The following VSTM4 variants were observed in gnomAD, a reference collection of about 807,000 sequenced individuals.
VSTM4 encodes the protein V-set and transmembrane domain containing 4.
Under a neutral mutation model 36.4 loss-of-function variants are expected in VSTM4, and 20 were observed. The observed-to-expected ratio is 0.55, with a 90% CI of 0.39 to 0.80. The LOEUF (loss-of-function observed/expected upper bound fraction) is 0.80. VSTM4 is among the 30% of genes least tolerant of loss of function. VSTM4 has a pLI of 0.00. For synonymous variants in VSTM4, 182 were observed against 173.9 expected, an observed-to-expected ratio of 1.05 and a Z score of -0.37; for missense variants, 392 against 404.5, an observed-to-expected ratio of 0.97 and a Z score of 0.26.
intron 7 of VSTM4, among the ~76,000 whole-genome samples, chr10:49,042,876 G>A (rs1843542686): frequency 6.6e-6 from 1 of 152,184 alleles, no homozygotes; most frequent in African/African-American, 2.4e-5. Flanking sequence ...TAGGCTATCA[G>A]GACAGCTCCT....
intron 7 of VSTM4, among the ~76,000 whole-genome samples, chr10:49,044,793 T>A (rs934234749): frequency 6.6e-6 from 1 of 152,338 alleles, no homozygotes; most frequent in Non-Finnish European, 1.5e-5. Flanking sequence ...ACTCTGAAAT[T>A]AGGAAGAAAT....
intron 3 of VSTM4, among the ~76,000 whole-genome samples, chr10:49,079,475 C>A (rs1312717814): frequency 6.6e-6 from 1 of 152,222 alleles, no homozygotes; most frequent in Non-Finnish European, 1.5e-5. Context: ...AAGCATTATT[C>A]TAACCATCTT....
chr10:49,042,673 C>A (rs1197000930), intron 7 of VSTM4, among the ~76,000 whole-genome samples: 1 of 152,214 alleles, frequency 6.6e-6, no homozygotes, highest in Non-Finnish European at 1.5e-5. Context: ...AATTACAGAA[C>A]CTACTCAACA....
rs1033623383 is a variant in VSTM4 at position 49,103,660 on chromosome 10, A to C, written c.457+3934T>G. The C allele has an allele frequency of 1.3e-6, 2 of 1,566,046 alleles. No individual in the cohort carries two copies. The highest frequency in any genetic ancestry group is 2.7e-5 in the African/African-American group (2 of 72,990). On this transcript the variant is annotated intron_variant, in intron 2 of 7. Transcript: ENST00000332853. ...CCTCCATGTGCTGGGCGAGGTGTTC[A>C]TGACAGGGAAATGAGGAGAGACCAG...
chr10:49,093,709 C>A (rs974644677), intron 2 of VSTM4, among the ~76,000 whole-genome samples: 1 of 150,572 alleles, frequency 6.6e-6, no homozygotes, highest in South Asian at 2.1e-4. Flanking sequence ...TTTCTAGAAT[C>A]CTTCTTGGCC....
chr10:49,057,885 G>C (rs1843809059), intron 5 of VSTM4, among the ~76,000 whole-genome samples: 1 of 152,194 alleles, frequency 6.6e-6, no homozygotes, highest in South Asian at 2.1e-4. Context: ...TAGAGTTCTG[G>C]TGTTCTTTGA....
intron 2 of VSTM4, chr10:49,103,728 A>C: frequency 1.2e-6 from 2 of 1,611,672 alleles, no homozygotes; most frequent in Non-Finnish European, 1.7e-6. Flanking sequence ...AAAGACAAGC[A>C]ATTTTATCTC....
intron 2 of VSTM4, among the ~76,000 whole-genome samples, chr10:49,086,707 T>C (rs1032767996): frequency 6.6e-6 from 1 of 152,116 alleles, no homozygotes; most frequent in Non-Finnish European, 1.5e-5. Flanking sequence ...ATGTAAAATA[T>C]CACGGAATGA....
Position 49,048,489 on chromosome 10 carries a change from A to T in VSTM4, c.764T>A (p.Val255Asp). ...GGCCAGCTCCTTACCTTTGGCAGGG[A>T]CTGCGGGAGGAATGTCAGGCTTCTC... ...QKEKPDIPPA[V>D]PAKAPIAPTF... The change falls in exon 6 of 8, where the codon GTC becomes GAC. Residue 255 changes from valine to aspartate, a missense_variant. Coordinates refer to ENST00000332853, the MANE Select transcript of VSTM4 (RefSeq NM_001031746.5). 6.9e-6 allele frequency: 11 copies of T among 1,591,214 alleles called. No individual in the cohort carries two copies. The highest frequency in any genetic ancestry group is 9.4e-6 in the Non-Finnish European group (11 of 1,172,620).
chr10:49,107,979 G>A lies in VSTM4; in HGVS notation c.72C>T (p.Leu24=). The stretch of plus-strand genomic sequence containing the variant: ...CGGGCCCCGGGGACACAGTGACATT[G>A]AGGGCCGCACAGACCTCTGCAGAGA... ...RAPAPEVCAA[L]NVTVSPGPVV... Residue 24 remains leucine, a synonymous_variant, in exon 2 of 8, where the codon CTC becomes CTT. Transcript: ENST00000332853. 1 of 1,586,084 alleles carries A rather than the reference G, an allele frequency of 6.3e-7. No homozygotes were observed. Among genetic ancestry groups the A allele is most frequent in the Non-Finnish European group, 8.6e-7 (1 of 1,165,264 alleles).
At position 49,101,802 on chromosome 10, in the gene VSTM4, T is replaced by C. The variant is rs375328337; in HGVS notation, c.457+5792A>G. Among the ~76,000 whole-genome samples the C allele has an allele frequency of 4.6e-5, 7 of 152,336 alleles. No homozygotes were observed. The East Asian group carries it at 9.6e-4, about 21-fold the overall frequency. The stretch of plus-strand genomic sequence containing the variant: ...TACAAGGATTTCACTGAAGCACTGT[T>C]TATGTTGGTGAAACACTGGAAGATT... On this transcript the variant is annotated intron_variant, in intron 2 of 7. Coordinates refer to ENST00000332853, the MANE Select transcript of VSTM4 (RefSeq NM_001031746.5).
Position 49,107,892 on chromosome 10 carries a change from C to A in VSTM4, c.159G>T (p.Arg53=), listed in dbSNP as rs771028311. ...AGCGCACGGCCAGCAAGCTGTCCTT[C>A]CGCCTTTTCTGGGAGACGTGGCAGA... is the stretch of plus-strand genomic sequence containing the variant. The part of the protein sequence containing the change: ...TLLCHVSQKR[R]KDSLLAVRWF... Residue 53 remains arginine, a synonymous_variant, in exon 2 of 8, where the codon CGG becomes CGT. Coordinates refer to ENST00000332853, the MANE Select transcript of VSTM4 (RefSeq NM_001031746.5). 2 of 1,614,212 alleles carry A rather than the reference C, an allele frequency of 1.2e-6. No individual in the cohort carries two copies. The highest frequency in any genetic ancestry group is 3.3e-5 in the Admixed American group (2 of 60,028).
chr10:49,092,565 G>C (rs988687909), intron 2 of VSTM4, among the ~76,000 whole-genome samples: 4 of 152,210 alleles, frequency 2.6e-5, no homozygotes, highest in African/African-American at 9.6e-5. Context: ...GAAGAGAAGA[G>C]TATGGTCCCT....
chr10:49,091,365 C>T (rs1027394057), intron 2 of VSTM4, among the ~76,000 whole-genome samples: 3 of 152,200 alleles, frequency 2.0e-5, no homozygotes, highest in Non-Finnish European at 2.9e-5. Flanking sequence ...AAATCCATCA[C>T]GTCACTGCCC....
intron 7 of VSTM4, among the ~76,000 whole-genome samples, chr10:49,023,499 A>G (rs1426356836): frequency 6.6e-6 from 1 of 152,234 alleles, no homozygotes. Flanking sequence ...GACTAGGTAA[A>G]CTAAAAAACT....
At chr10:49,079,243 A>T (rs1299414852) in intron 3 of VSTM4, among the ~76,000 whole-genome samples, 1 of 149,696 alleles carries the variant, frequency 6.7e-6, no homozygotes, top group Non-Finnish European at 1.5e-5. Context: ...TCACTCCGTC[A>T]CCCAGGCTGG....
At chr10:49,026,880 C>T (rs150724061) in intron 7 of VSTM4, among the ~76,000 whole-genome samples, 48 of 152,268 alleles carry the variant, frequency 3.2e-4, no homozygotes, top group African/African-American at 8.7e-4. Context: ...GCTGAAAGTA[C>T]CAAGCCTTAC....
At chr10:49,023,401 A>G (rs761416037) in intron 7 of VSTM4, among the ~76,000 whole-genome samples, 1 of 152,260 alleles carries the variant, frequency 6.6e-6, no homozygotes, top group Non-Finnish European at 1.5e-5. Context: ...GTTTTCACCA[A>G]ACTACGTTTC....
chr10:49,094,002 C>T (rs1251191713), intron 2 of VSTM4, among the ~76,000 whole-genome samples: 4 of 152,154 alleles, frequency 2.6e-5, no homozygotes, highest in African/African-American at 9.7e-5. Flanking sequence ...CCACCTCGGC[C>T]TCCCAAAGTG....
Sources: gnomAD v4.1 joint callset for allele counts (sites outside exome capture counted in the v4.1 genomes callset) on GRCh38, gnomAD v4.1.1 for gene constraint, MANE v1.5 for transcripts, NCBI Gene and HGNC (gene_info 2026-07-23, HGNC 2026-07-21) for gene names.